The following IGSF10 variants were observed in gnomAD, a reference collection of about 807,000 sequenced individuals.
IGSF10 encodes immunoglobulin superfamily member 10, also known as calvaria mechanical force protein 608.
IGSF10 carries 126 observed loss-of-function variants against 128.2 expected under a neutral mutation model. The observed-to-expected ratio is 0.98, with a 90% CI of 0.85 to 1.14. The LOEUF (loss-of-function observed/expected upper bound fraction) is 1.14, where lower values mean the gene tolerates loss of function less well. Among genes scored for constraint, IGSF10 ranks in the 50% most tolerant of loss-of-function variants. The pLI, the probability that IGSF10 is intolerant of heterozygous loss-of-function variation, is 0.00. For synonymous variants in IGSF10, 1,185 were observed against 1,146.2 expected (o/e 1.03, Z -0.68); for missense variants, 3,295 against 3,149.8 (o/e 1.05, Z -1.10).
the IGSF10 span, among the ~76,000 whole-genome samples, chr3:151,565,271 T>C: frequency 6.6e-6 from 1 of 152,208 alleles, no homozygotes; most frequent in African/African-American, 2.4e-5. Flanking sequence ...TAGAGAGACC[T>C]TGAATCTAGA....
At chr3:151,467,644 G>T in the IGSF10 span, among the ~76,000 whole-genome samples, 127,436 of 152,038 alleles carry the variant, frequency 0.84, 53,548 homozygotes, top group Middle Eastern at 0.95. Context: ...CAGCACTTTG[G>T]GAGGCCGAGG....
rs1720187081 is a variant in IGSF10 at position 151,436,243 on chromosome 3, A to G, written c.*446T>C. The G allele has an allele frequency of 6.5e-6, 1 of 154,266 alleles. No individual in the cohort carries two copies. Among genetic ancestry groups the G allele is most frequent in the Admixed American group, 6.4e-5 (1 of 15,702 alleles). 9.6% of individuals were successfully genotyped at this position (154,266 alleles called of 1,614,324 possible). ...AGCAAAAAAATTTATAAACCACAAA[A>G]TATTTATACATCAGGATGGTAAATT... On this transcript the variant is annotated 3_prime_UTR_variant, in exon 8 of 8. Transcript: ENST00000282466.
chr3:151,468,927 C>G, the IGSF10 span, among the ~76,000 whole-genome samples: 2 of 152,104 alleles, frequency 1.3e-5, no homozygotes, highest in African/African-American at 4.8e-5. Flanking sequence ...ATGTTGTTCC[C>G]CTCCCTGTGT....
rs765208701 is a variant in IGSF10 at position 151,447,186 on chromosome 3, T to A, written c.2795A>T (p.Asn932Ile). The change falls in exon 6 of 8, where the codon AAT (asparagine) becomes ATT (isoleucine). Residue 932 changes from asparagine to isoleucine, a missense_variant. Coordinates refer to ENST00000282466, the MANE Select transcript of IGSF10 (RefSeq NM_178822.5). ...ITVRTMIKDV[N>I]VKMLSSTTNK... ...GGTGGTGCTACTAAGCATTTTGACATTGACATCTTTGATCATAGTCCTTAC... is the reference window on the plus strand; with the variant it reads ...GGTGGTGCTACTAAGCATTTTGACAATGACATCTTTGATCATAGTCCTTAC... 6.2e-7 allele frequency: 1 copy of A among 1,614,114 alleles called. No individual in the cohort carries two copies. Among genetic ancestry groups the A allele is most frequent in the Non-Finnish European group, 8.5e-7 (1 of 1,180,052 alleles).
intron 7 of IGSF10, chr3:151,440,837 G>A (rs1027218935): frequency 1.0e-5 from 3 of 297,104 alleles, no homozygotes; most frequent in African/African-American, 4.3e-5. Flanking sequence ...TTCTAACTGG[G>A]TTCTCAATGA....
rs148404092 is a variant in IGSF10 at position 151,445,519 on chromosome 3, C to T, written c.4462G>A (p.Asp1488Asn). 65 of 1,614,042 alleles carry T rather than the reference C, an allele frequency of 4.0e-5. No individual in the cohort carries two copies. In the Middle Eastern group the frequency reaches 6.7e-3, roughly 167 times the overall value. The change falls in exon 6 of 8, where the codon GAC becomes AAC. Residue 1488 changes from aspartate (D) to asparagine (N), a missense_variant. Transcript: ENST00000282466. The stretch of plus-strand genomic sequence containing the variant: ...CCGGAAATGGGAGTCGCCACGTTGT[C>T]AGTAACTGCTCTCTGAGTAAAGGGA... ...SPPFTQRAVT[D>N]NVATPISGLM...
the IGSF10 span, among the ~76,000 whole-genome samples, chr3:151,612,756 G>T: frequency 6.6e-6 from 1 of 152,242 alleles, no homozygotes; most frequent in Non-Finnish European, 1.5e-5. Context: ...CTCAATGAGT[G>T]TTGAAGACCT....
At chr3:151,533,116 G>C in the IGSF10 span, among the ~76,000 whole-genome samples, 1 of 152,114 alleles carries the variant, frequency 6.6e-6, no homozygotes, top group African/African-American at 2.4e-5. Flanking sequence ...GGGATGTGAA[G>C]GACCTCTTCA....
rs1445612248 is a variant in IGSF10, at chr3:151,438,319, T to C, written c.6242A>G (p.Asn2081Ser). Residue 2081 changes from asparagine (N) to serine (S), a missense_variant, in exon 8 of 8, where the codon AAC becomes AGC. Coordinates refer to ENST00000282466, the MANE Select transcript of IGSF10 (RefSeq NM_178822.5). ...SWSLPDGTMI[N>S]NAMQADDSGH... Reference sequence around the variant, plus strand: ...ACTGTCATCGGCTTGCATTGCATTGTTGATCATGGTTCCATCAGGCAAACT... The same window carrying C: ...ACTGTCATCGGCTTGCATTGCATTGCTGATCATGGTTCCATCAGGCAAACT... 5 of 1,614,210 alleles carry C rather than the reference T, an allele frequency of 3.1e-6. No individual in the cohort carries two copies. Among genetic ancestry groups the C allele is most frequent in the Non-Finnish European group, 4.2e-6 (5 of 1,180,024 alleles).
chr3:151,491,303 G>T, the IGSF10 span, among the ~76,000 whole-genome samples: 1 of 152,128 alleles, frequency 6.6e-6, no homozygotes, highest in Non-Finnish European at 1.5e-5. Context: ...TTGACCAGGC[G>T]TGGTGGCTCA....
At chr3:151,556,695 T>C in the IGSF10 span, among the ~76,000 whole-genome samples, 2 of 152,132 alleles carry the variant, frequency 1.3e-5, no homozygotes, top group African/African-American at 4.8e-5. Flanking sequence ...CAATCTCCTC[T>C]CCAGCCTTTG....
the IGSF10 span, among the ~76,000 whole-genome samples, chr3:151,500,581 T>G: frequency 1.3e-5 from 2 of 152,160 alleles, no homozygotes; most frequent in Non-Finnish European, 2.9e-5. Context: ...ATTCATTTTC[T>G]TAGACAATTC....
chr3:151,517,140 A>G, the IGSF10 span, among the ~76,000 whole-genome samples: 2 of 152,078 alleles, frequency 1.3e-5, no homozygotes, highest in East Asian at 3.9e-4. Context: ...CTATGGTTAC[A>G]CAACAGAGTT....
the IGSF10 span, among the ~76,000 whole-genome samples, chr3:151,535,819 G>C: frequency 2.0e-5 from 3 of 152,174 alleles, no homozygotes; most frequent in East Asian, 5.8e-4. Context: ...TTTCAATAAA[G>C]AGAATAGAAA....
the IGSF10 span, among the ~76,000 whole-genome samples, chr3:151,515,406 G>T: frequency 6.9e-6 from 1 of 145,632 alleles, no homozygotes; most frequent in Non-Finnish European, 1.5e-5. Flanking sequence ...ACTCATAGGT[G>T]GGAATTGAAC....
chr3:151,569,827 GCACCCA>G, the IGSF10 span, among the ~76,000 whole-genome samples: 1 of 152,090 alleles, frequency 6.6e-6, no homozygotes, highest in African/African-American at 2.4e-5. Context: ...TTGGTTTGCT[GCACCCA>G]TTAACTCATC....
chr3:151,552,179 G>A, the IGSF10 span, among the ~76,000 whole-genome samples: 3 of 152,110 alleles, frequency 2.0e-5, no homozygotes, highest in South Asian at 6.2e-4. Context: ...TCTCCTGCCA[G>A]CCATGTGAAG....
the IGSF10 span, among the ~76,000 whole-genome samples, chr3:151,551,767 T>G: frequency 1.3e-5 from 2 of 152,168 alleles, no homozygotes; most frequent in Non-Finnish European, 2.9e-5. Context: ...TAAGGCATTC[T>G]ATTCTTGCAA....
chr3:151,440,985 A>G (rs1169417231), intron 7 of IGSF10, among the ~76,000 whole-genome samples: 3 of 152,232 alleles, frequency 2.0e-5, no homozygotes, highest in Non-Finnish European at 2.9e-5. Flanking sequence ...CTTCCCAGCT[A>G]ACATAAATAA....
Sources: gnomAD v4.1 joint callset for allele counts (sites outside exome capture counted in the v4.1 genomes callset) on GRCh38, gnomAD v4.1.1 for gene constraint, MANE v1.5 for transcripts, NCBI Gene and HGNC (gene_info 2026-07-23, HGNC 2026-07-21) for gene names.